ST8SIA6: variants seen among roughly 807,000 people sequenced by gnomAD.
The protein encoded by ST8SIA6 is alpha-2,8-sialyltransferase 8F.
ST8SIA6 carries 39 observed loss-of-function variants against 33.6 expected under a neutral mutation model. That is an observed-to-expected ratio of 1.16 (90% CI 0.90 to 1.52). The LOEUF (loss-of-function observed/expected upper bound fraction) is 1.52. Ranked by LOEUF, ST8SIA6 falls within the 40% of genes most tolerant of loss-of-function variation. ST8SIA6 has a pLI of 0.00. For missense variants in ST8SIA6, 441 were observed against 443.8 expected (o/e 0.99, Z 0.06); for synonymous variants, 172 against 167.2 (o/e 1.03, Z -0.22).
intron 2 of ST8SIA6, among the ~76,000 whole-genome samples, chr10:17,446,771 AG>A (rs1852721459): frequency 6.6e-6 from 1 of 152,118 alleles, no homozygotes; most frequent in Non-Finnish European, 1.5e-5. Context: ...AAGAATAAAA[AG>A]AAAAAAAGGG....
intron 3 of ST8SIA6, among the ~76,000 whole-genome samples, chr10:17,372,902 A>G (rs1316551851): frequency 6.6e-6 from 1 of 152,194 alleles, no homozygotes; most frequent in Admixed American, 6.5e-5. Context: ...AGAAGTGTAT[A>G]AATACCAGGA....
chr10:17,403,814 G>T (rs1479550494), intron 2 of ST8SIA6, among the ~76,000 whole-genome samples: 1 of 152,086 alleles, frequency 6.6e-6, no homozygotes, highest in Non-Finnish European at 1.5e-5. Flanking sequence ...TGTAACCCCA[G>T]CACTTTGGGA....
At chr10:17,436,163 A>G (rs1363710231) in intron 2 of ST8SIA6, among the ~76,000 whole-genome samples, 2 of 152,186 alleles carry the variant, frequency 1.3e-5, no homozygotes, top group East Asian at 3.9e-4. Flanking sequence ...TATCGTGCCA[A>G]TGAGCTTTCT....
At chr10:17,402,357 G>T (rs1472088722) in intron 2 of ST8SIA6, among the ~76,000 whole-genome samples, 1 of 152,214 alleles carries the variant, frequency 6.6e-6, no homozygotes, top group African/African-American at 2.4e-5. Flanking sequence ...CAGCCATTGT[G>T]GAAGACAGTG....
chr10:17,453,583 G>T lies in ST8SIA6; in HGVS notation c.176C>A (p.Thr59Asn). 1 of 1,328,066 alleles carries T rather than the reference G, an allele frequency of 7.5e-7. No homozygotes were observed. Among genetic ancestry groups the T allele is most frequent in the Non-Finnish European group, 9.7e-7 (1 of 1,031,502 alleles). 82.3% of individuals were successfully genotyped at this position (1,328,066 alleles called of 1,614,324 possible). ...CCTGTTAGTGGCGCGCGGTACCGCG[G>T]TCGCCGGGCTCCGGAGCGTCCTCAG... Reference protein sequence around the residue: ...AALRTLRSPATAVPRATNSTY... With the variant: ...AALRTLRSPANAVPRATNSTY... Residue 59 changes from threonine to asparagine, a missense_variant, in exon 2 of 8, where the codon ACC (threonine) becomes AAC (asparagine). Coordinates refer to ENST00000377602, the MANE Select transcript of ST8SIA6 (RefSeq NM_001004470.3).
intron 2 of ST8SIA6, among the ~76,000 whole-genome samples, chr10:17,414,966 G>T (rs1176684923): frequency 6.6e-6 from 1 of 151,808 alleles, no homozygotes; most frequent in East Asian, 1.9e-4. Flanking sequence ...TCTGGCTCCT[G>T]CCCGTCTCAC....
intron 6 of ST8SIA6, among the ~76,000 whole-genome samples, chr10:17,324,797 T>TATGTATGCATGC (rs1272874014): frequency 7.1e-6 from 1 of 141,546 alleles, no homozygotes; most frequent in East Asian, 2.0e-4. Context: ...TGTATGCATG[T>TATGTATGCATGC]ATTATATATG....
intron 4 of ST8SIA6, among the ~76,000 whole-genome samples, chr10:17,341,488 T>C (rs1848670666): frequency 6.6e-6 from 1 of 152,168 alleles, no homozygotes; most frequent in Non-Finnish European, 1.5e-5. Context: ...TGAATGCTTG[T>C]GTCTCCCCAA....
chr10:17,396,754 G>A (rs772525445), intron 2 of ST8SIA6, among the ~76,000 whole-genome samples: 16 of 152,204 alleles, frequency 1.1e-4, no homozygotes, highest in Non-Finnish European at 1.9e-4. Context: ...CCATTCTGCT[G>A]TGTTCCTCCA....
chr10:17,429,513 C>T (rs922556962), intron 2 of ST8SIA6, among the ~76,000 whole-genome samples: 20 of 152,048 alleles, frequency 1.3e-4, no homozygotes, highest in African/African-American at 4.8e-4. Context: ...CCTCTCCTCC[C>T]TTTCACTTTC....
rs775713679 is a variant in ST8SIA6, at chr10:17,317,887, T to G, written c.*2991A>C. The stretch of plus-strand genomic sequence containing the variant: ...AAATATCCTTTAGTGAAAGCCATGA[T>G]CTATTTGTCATTGCCTTTTGTTCCA... On this transcript the variant is annotated 3_prime_UTR_variant, in exon 8 of 8. Coordinates refer to ENST00000377602, the MANE Select transcript of ST8SIA6 (RefSeq NM_001004470.3). Among the ~76,000 whole-genome samples the G allele has an allele frequency of 9.9e-5, 15 of 152,208 alleles. No homozygotes were observed. Among genetic ancestry groups the G allele is most frequent in the Non-Finnish European group, 1.8e-4 (12 of 68,024 alleles).
chr10:17,444,544 C>T (rs549366238), intron 2 of ST8SIA6, among the ~76,000 whole-genome samples: 2 of 152,176 alleles, frequency 1.3e-5, no homozygotes, highest in Non-Finnish European at 2.9e-5. Flanking sequence ...TCCTTGTGTC[C>T]TTCAAGCTCT....
intron 3 of ST8SIA6, among the ~76,000 whole-genome samples, chr10:17,361,664 A>G (rs1044658265): frequency 1.3e-5 from 2 of 151,050 alleles, no homozygotes; most frequent in South Asian, 2.1e-4. Flanking sequence ...CCAACTCACT[A>G]TATGAGAACA....
At chr10:17,436,288 G>A (rs1340188404) in intron 2 of ST8SIA6, among the ~76,000 whole-genome samples, 1 of 152,164 alleles carries the variant, frequency 6.6e-6, no homozygotes, top group East Asian at 1.9e-4. Flanking sequence ...CCCTGGGGGG[G>A]AGGTAATTGA....
At chr10:17,333,254 A>ATGGAAAAACAT (rs1018330303) in intron 4 of ST8SIA6, among the ~76,000 whole-genome samples, 2 of 152,150 alleles carry the variant, frequency 1.3e-5, no homozygotes, top group Non-Finnish European at 2.9e-5. Flanking sequence ...ACACAAACAA[A>ATGGAAAAACAT]TGGAAAAACA....
At chr10:17,430,543 A>T (rs1852071367) in intron 2 of ST8SIA6, among the ~76,000 whole-genome samples, 1 of 152,052 alleles carries the variant, frequency 6.6e-6, no homozygotes, top group Non-Finnish European at 1.5e-5. Context: ...CCTCGCCAAC[A>T]TCTGTTGTTT....
At chr10:17,405,960 A>C (rs889617425) in intron 2 of ST8SIA6, among the ~76,000 whole-genome samples, 3 of 152,102 alleles carry the variant, frequency 2.0e-5, no homozygotes, top group African/African-American at 7.2e-5. Flanking sequence ...AAATGAGAAT[A>C]ATCCTCTCTT....
At chr10:17,406,735 T>C (rs976661306) in intron 2 of ST8SIA6, among the ~76,000 whole-genome samples, 1 of 152,000 alleles carries the variant, frequency 6.6e-6, no homozygotes, top group Non-Finnish European at 1.5e-5. Context: ...CAGATTCTGG[T>C]TGAGTAGATC....
At chr10:17,419,112 C>G in intron 2 of ST8SIA6, among the ~76,000 whole-genome samples, 1 of 149,886 alleles carries the variant, frequency 6.7e-6, no homozygotes. Flanking sequence ...TTGTCATTTT[C>G]TATCATCTCT....
Sources: allele counts gnomAD v4.1 joint callset (sites outside exome capture counted in the v4.1 genomes callset), GRCh38; gene constraint gnomAD v4.1.1; transcripts MANE v1.5; gene names NCBI Gene and HGNC (gene_info 2026-07-23, HGNC 2026-07-21).